The following SNX32 variants were observed in gnomAD, a reference collection of about 807,000 sequenced individuals.
SNX32 encodes the protein sorting nexin-32.
SNX32 carries 58 observed loss-of-function variants against 57.0 expected under a neutral mutation model. The observed-to-expected ratio is 1.02, with a 90% confidence interval of 0.82 to 1.27. The LOEUF is 1.27. SNX32 is among the 50% of genes most tolerant of loss of function. The probability of loss-of-function intolerance (pLI) is 0.00; values close to 1 mark genes in which losing one functional copy is unlikely to be tolerated. For synonymous variants in SNX32, 262 were observed against 220.4 expected (o/e 1.19, Z -1.67); for missense variants, 589 against 541.2 (o/e 1.09, Z -0.88).
intron 1 of SNX32, 116 bp from the exon 2 acceptor site, chr11:65,849,362 C>T: frequency 2.7e-6 from 2 of 748,228 alleles, no homozygotes; most frequent in South Asian, 1.7e-5. Flanking sequence ...TGACCTGGGG[C>T]ATTGCTGAAG....
intron 1 of SNX32, among the ~76,000 whole-genome samples, chr11:65,846,132 G>A (rs1230750843): frequency 2.6e-5 from 4 of 152,148 alleles, no homozygotes; most frequent in East Asian, 1.9e-4. Context: ...TTAGCTGGAC[G>A]TGGTGGTGGG....
intron 1 of SNX32, 106 bp downstream of exon 1, chr11:65,834,207 C>T: frequency 9.4e-7 from 1 of 1,068,940 alleles, no homozygotes; most frequent in Non-Finnish European, 1.4e-6. Flanking sequence ...GTGTGGTCTG[C>T]CTCTGTGTGT....
intron 1 of SNX32, among the ~76,000 whole-genome samples, chr11:65,845,158 G>T (rs1310106657): frequency 4.8e-5 from 6 of 126,140 alleles, no homozygotes; most frequent in Non-Finnish European, 8.5e-5. Flanking sequence ...AAAAAAAAAA[G>T]GCTGGGTGTG....
At chr11:65,839,225 A>ATTT (rs1168882508) in intron 1 of SNX32, among the ~76,000 whole-genome samples, 1,987 of 27,604 alleles carry the variant, frequency 0.072, 622 homozygotes, top group African/African-American at 0.28. Context: ...ATTTTTTTGT[A>ATTT]TTTTTTTTTT....
In SNX32 at chr11:65,851,707, C is replaced by T. The variant is rs770435014; in HGVS notation, c.825+28C>T. On this transcript the variant is annotated intron_variant, in intron 9 of 12. Coordinates refer to ENST00000308342, the MANE Select transcript of SNX32 (RefSeq NM_152760.3). ...GAGTACTGCCTTCTGTGCTCAAAGG[C>T]TTTCCTGGTGAGCTTTGCAGGGAAG... The T allele has an allele frequency of 1.9e-6, 3 of 1,612,986 alleles. No homozygotes were observed. The South Asian group carries it at 3.3e-5, about 18-fold the overall frequency.
intron 1 of SNX32, among the ~76,000 whole-genome samples, chr11:65,848,790 T>C (rs1028451641): frequency 3.9e-5 from 6 of 152,102 alleles, no homozygotes; most frequent in African/African-American, 1.4e-4. Flanking sequence ...ATGCCTGAGG[T>C]AGCCAGCTGG....
chr11:65,849,822 G>T, intron 2 of SNX32, 98 bp from the exon 3 acceptor site: 1 of 960,876 alleles, frequency 1.0e-6, no homozygotes. Flanking sequence ...TGTCCTCCCT[G>T]GGATGTGGGA....
Position 65,849,947 on chromosome 11 carries a change from G to C in SNX32, c.169G>C (p.Glu57Gln). Residue 57 changes from glutamate to glutamine, a missense_variant, in exon 3 of 13, where the codon GAG (glutamate) becomes CAG (glutamine). Glu to Gln is a conservative substitution (Grantham distance 29). Transcript: ENST00000308342. ...KSCLPHFAQT[E>Q]FSVVRQHEEF... ...CTGCCTCCCTCACTTCGCCCAGACC[G>C]AGTTCTCAGTCGTGCGGCAGCACGA... is the stretch of plus-strand genomic sequence containing the variant. 1 of 1,591,504 alleles carries C rather than the reference G, an allele frequency of 6.3e-7. No individual in the cohort carries two copies. The highest frequency in any genetic ancestry group is 8.6e-7 in the Non-Finnish European group (1 of 1,165,200).
chr11:65,839,349 C>A (rs1433727592), intron 1 of SNX32, among the ~76,000 whole-genome samples: 1 of 142,216 alleles, frequency 7.0e-6, no homozygotes, highest in Non-Finnish European at 1.5e-5. Flanking sequence ...CCCGCCTCAG[C>A]CTCCCAAGTA....
intron 1 of SNX32, among the ~76,000 whole-genome samples, 194 bp downstream of exon 1, chr11:65,834,295 A>G (rs2134684174): frequency 6.8e-6 from 1 of 146,602 alleles, no homozygotes; most frequent in Middle Eastern, 3.7e-3. Context: ...ATGTGCCTGC[A>G]TATGTCTGTG....
intron 1 of SNX32, among the ~76,000 whole-genome samples, chr11:65,845,090 G>T (rs1008054845): frequency 1.4e-3 from 1 of 728 alleles, no homozygotes; most frequent in Non-Finnish European, 4.1e-3. Flanking sequence ...TTGAGGCCAG[G>T]AGTTCAACCA....
chr11:65,848,392 G>A (rs1859060253), intron 1 of SNX32, among the ~76,000 whole-genome samples: 1 of 149,576 alleles, frequency 6.7e-6, no homozygotes, highest in East Asian at 2.0e-4. Context: ...GGGCAACATA[G>A]CAAGACTCTG....
chr11:65,836,287 A>T (rs1384659567), intron 1 of SNX32, among the ~76,000 whole-genome samples: 2 of 152,234 alleles, frequency 1.3e-5, no homozygotes, highest in African/African-American at 4.8e-5. Flanking sequence ...TCAAGCCTGT[A>T]ATCGCAGCAC....
At chr11:65,834,305 G>T (rs1858590169) in intron 1 of SNX32, among the ~76,000 whole-genome samples, 1 of 151,598 alleles carries the variant, frequency 6.6e-6, no homozygotes, top group Admixed American at 6.6e-5. Context: ...ATATGTCTGT[G>T]TGTGTGTGTA....
intron 1 of SNX32, among the ~76,000 whole-genome samples, chr11:65,842,723 G>T (rs1296431807): frequency 1.3e-5 from 2 of 151,704 alleles, no homozygotes; most frequent in African/African-American, 2.4e-5. Flanking sequence ...AACAAGGGGG[G>T]GTGGATCGCC....
At chr11:65,851,272 G>T in intron 7 of SNX32, 56 bp from the exon 8 acceptor site, 3 of 1,607,154 alleles carry the variant, frequency 1.9e-6, no homozygotes, top group Non-Finnish European at 2.6e-6. Flanking sequence ...GTGGCCACAA[G>T]CACCAAGGCT....
At chr11:65,851,238 C>T in intron 7 of SNX32, 78 bp downstream of exon 7, 1 of 1,596,898 alleles carries the variant, frequency 6.3e-7, no homozygotes, top group Non-Finnish European at 8.6e-7. Context: ...GAGAAGAGAG[C>T]AGGGCGTGCC....
At chr11:65,848,346 G>A (rs1859058289) in intron 1 of SNX32, among the ~76,000 whole-genome samples, 1 of 151,960 alleles carries the variant, frequency 6.6e-6, no homozygotes, top group African/African-American at 2.4e-5. Flanking sequence ...GCTGAGGTGG[G>A]AGGATTGCTT....
In SNX32 at chr11:65,839,225, A is replaced by ATTTTTTTTTTTTTTTTTTTTTT. The variant is rs1168882508; in HGVS notation, c.36+5125_36+5146dup. Among the ~76,000 whole-genome samples, 18 of 27,638 alleles carry ATTTTTTTTTTTTTTTTTTTTTT rather than the reference A, an allele frequency of 6.5e-4. 3 individuals carry two copies. The highest frequency in any genetic ancestry group is 2.1e-3 in the African/African-American group (14 of 6,630). The allele number at this position is 27,638 out of a possible 152,430, so 18.1% of individuals were successfully genotyped here. A position where few individuals can be genotyped will look rare whatever the true frequency, so the allele number is the denominator to read the frequency against. ...CACCACGCCCAGCTAATTTTTTTGTATTTTTTTTTTTTTTTTTTTTTTGAG... is the reference window on the plus strand; with the variant it reads ...CACCACGCCCAGCTAATTTTTTTGTATTTTTTTTTTTTTTTTTTTTTTTTTTTTTTTTTTTTTTTTTTTTGAG... On this transcript the variant is annotated intron_variant, in intron 1 of 12. Transcript: ENST00000308342.
Sources: gnomAD v4.1 joint callset for allele counts (sites outside exome capture counted in the v4.1 genomes callset) on GRCh38, gnomAD v4.1.1 for gene constraint, MANE v1.5 for transcripts, NCBI Gene and HGNC (gene_info 2026-07-23, HGNC 2026-07-21) for gene names.